Variants in SPIDR observed in about 807,000 individuals in gnomAD.
SPIDR encodes the protein scaffold protein involved in DNA repair, also known as DNA repair-scaffolding protein.
Under a neutral mutation model 104.6 loss-of-function variants are expected in SPIDR, and 93 were observed. That is an observed-to-expected ratio of 0.89 (90% CI 0.75 to 1.06). The LOEUF (loss-of-function observed/expected upper bound fraction) is 1.06, where lower values mean the gene tolerates loss of function less well. SPIDR is among the 50% of genes least tolerant of loss of function. The pLI, the probability that SPIDR is intolerant of heterozygous loss-of-function variation, is 0.00. For synonymous variants in SPIDR, 431 were observed against 416.9 expected (o/e 1.03, Z -0.41); for missense variants, 1,154 against 1,111.2 (o/e 1.04, Z -0.55).
intron 16 of SPIDR, among the ~76,000 whole-genome samples, chr8:47,723,666 C>A (rs997963158): frequency 6.6e-6 from 1 of 152,056 alleles, no homozygotes; most frequent in Non-Finnish European, 1.5e-5. Flanking sequence ...CCTGACCTCA[C>A]GATCCTCCCA....
intron 6 of SPIDR, among the ~76,000 whole-genome samples, chr8:47,399,007 G>A (rs558255290): frequency 6.6e-5 from 10 of 152,212 alleles, no homozygotes; most frequent in Non-Finnish European, 1.5e-4. Context: ...CCATGGACTC[G>A]AGAGAATGGA....
chr8:47,413,647 A>C (rs2063825561), intron 7 of SPIDR, among the ~76,000 whole-genome samples: 1 of 152,220 alleles, frequency 6.6e-6, no homozygotes, highest in Non-Finnish European at 1.5e-5. Flanking sequence ...TGGATCATAA[A>C]TTCTTAAATA....
Position 47,300,320 on chromosome 8 carries a change from C to T in SPIDR, c.525+6290C>T, listed in dbSNP as rs1290108672. Among the ~76,000 whole-genome samples the T allele has an allele frequency of 5.9e-5, 9 of 152,030 alleles. No individual in the cohort carries two copies. In the South Asian group the frequency reaches 6.3e-4, roughly 11 times the overall value. On this transcript the variant is annotated intron_variant, in intron 5 of 19. Transcript: ENST00000297423. ...ATATCCCCTTTATCATTTTTTATTC[C>T]GTCTATCTGATTCTTCTCTCTTTTC...
intron 1 of SPIDR, among the ~76,000 whole-genome samples, chr8:47,265,654 CA>C (rs1294161408): frequency 6.6e-6 from 1 of 151,980 alleles, no homozygotes; most frequent in Non-Finnish European, 1.5e-5. Flanking sequence ...TAAAATAGTA[CA>C]AAAAAAGTTT....
At chr8:47,663,072 C>T (rs897090453) in intron 10 of SPIDR, among the ~76,000 whole-genome samples, 1 of 152,230 alleles carries the variant, frequency 6.6e-6, no homozygotes, top group African/African-American at 2.4e-5. Context: ...ATCTTCTAGC[C>T]TCCTTCCAGT....
intron 11 of SPIDR, among the ~76,000 whole-genome samples, chr8:47,681,544 G>A (rs2077102696): frequency 6.6e-6 from 1 of 152,070 alleles, no homozygotes; most frequent in Non-Finnish European, 1.5e-5. Flanking sequence ...ATTTTTACTA[G>A]TGAGTCTAAT....
intron 8 of SPIDR, among the ~76,000 whole-genome samples, chr8:47,455,409 A>T (rs145321377): frequency 1.3e-4 from 20 of 152,024 alleles, no homozygotes; most frequent in Non-Finnish European, 2.8e-4. Flanking sequence ...TGAAACACAC[A>T]CACAGACACA....
Position 47,729,059 on chromosome 8 carries a change from G to A in SPIDR, c.2550+12G>A. On this transcript the variant is annotated intron_variant, in intron 18 of 19. Coordinates refer to ENST00000297423, the MANE Select transcript of SPIDR (RefSeq NM_001080394.4). Reference sequence around the variant, plus strand: ...GAGTGAAGGTCAAGGTAGGAGCCAGGCCAGAGCACGCACGCACTCCTAGCT... The same window carrying A: ...GAGTGAAGGTCAAGGTAGGAGCCAGACCAGAGCACGCACGCACTCCTAGCT... 1 of 1,613,340 alleles carries A rather than the reference G, an allele frequency of 6.2e-7. No homozygotes were observed. The highest frequency in any genetic ancestry group is 8.5e-7 in the Non-Finnish European group (1 of 1,179,848).
chr8:47,269,017 A>G (rs2034684805), intron 1 of SPIDR, among the ~76,000 whole-genome samples: 1 of 151,864 alleles, frequency 6.6e-6, no homozygotes, highest in African/African-American at 2.4e-5. Context: ...AAACACAAAA[A>G]TTAGCAGGAT....
At chr8:47,401,913 TAGAC>T (rs1353874510) in intron 6 of SPIDR, among the ~76,000 whole-genome samples, 3 of 152,120 alleles carry the variant, frequency 2.0e-5, no homozygotes, top group Non-Finnish European at 4.4e-5. Context: ...CTGTCAACAT[TAGAC>T]AGATCAATGA....
intron 6 of SPIDR, among the ~76,000 whole-genome samples, chr8:47,407,410 C>T (rs2062904700): frequency 6.6e-6 from 1 of 152,202 alleles, no homozygotes; most frequent in Non-Finnish European, 1.5e-5. Flanking sequence ...CATTTCTTTG[C>T]TCCTATGTGC....
chr8:47,730,256 G>C (rs1445871693), intron 19 of SPIDR, among the ~76,000 whole-genome samples: 1 of 152,034 alleles, frequency 6.6e-6, no homozygotes, highest in Non-Finnish European at 1.5e-5. Flanking sequence ...ATAATTGATG[G>C]GCCAAAGAGT....
chr8:47,431,999 A>G (rs918835857), intron 7 of SPIDR, among the ~76,000 whole-genome samples: 14 of 152,226 alleles, frequency 9.2e-5, no homozygotes, highest in Non-Finnish European at 1.9e-4. Context: ...TATGAATTTT[A>G]TCCTGAAGTT....
At chr8:47,385,442 C>T (rs1554647626) in intron 5 of SPIDR, among the ~76,000 whole-genome samples, 6 of 152,188 alleles carry the variant, frequency 3.9e-5, no homozygotes, top group Non-Finnish European at 7.3e-5. Flanking sequence ...AAGTATGCTA[C>T]GCTATGCCTT....
At chr8:47,426,288 A>G (rs2066399745) in intron 7 of SPIDR, among the ~76,000 whole-genome samples, 1 of 152,186 alleles carries the variant, frequency 6.6e-6, no homozygotes, top group Admixed American at 6.5e-5. Flanking sequence ...AAAAAACCAT[A>G]GAATAGAAAT....
intron 10 of SPIDR, among the ~76,000 whole-genome samples, chr8:47,658,227 T>A (rs1448483861): frequency 6.6e-6 from 1 of 151,852 alleles, no homozygotes; most frequent in Non-Finnish European, 1.5e-5. Flanking sequence ...GAGACCAGCC[T>A]GACCAACATG....
At chr8:47,732,249 AGCCCTGCTTAT>A in intron 19 of SPIDR, 2 of 701,326 alleles carry the variant, frequency 2.9e-6, no homozygotes, top group Non-Finnish European at 5.2e-6. Flanking sequence ...CATAGGTAAA[AGCCCTGCTTAT>A]AAAGAGCTCA....
intron 5 of SPIDR, among the ~76,000 whole-genome samples, chr8:47,358,102 C>T (rs781808734): frequency 2.6e-5 from 4 of 152,164 alleles, no homozygotes; most frequent in Admixed American, 6.5e-5. Flanking sequence ...TTTTAGGTCT[C>T]GCTCTGTTGC....
At chr8:47,597,589 G>A (rs939530785) in intron 9 of SPIDR, among the ~76,000 whole-genome samples, 20 of 152,248 alleles carry the variant, frequency 1.3e-4, no homozygotes, top group Non-Finnish European at 2.5e-4. Context: ...ATTTGACAAC[G>A]TTCATTTTCT....
Sources: allele counts gnomAD v4.1 joint callset (sites outside exome capture counted in the v4.1 genomes callset), GRCh38; gene constraint gnomAD v4.1.1; transcripts MANE v1.5; gene names NCBI Gene and HGNC (gene_info 2026-07-23, HGNC 2026-07-21).